Variants in LRRC20 observed in about 807,000 individuals in gnomAD.
LRRC20 encodes the protein leucine-rich repeat-containing protein 20.
LRRC20 carries 11 observed loss-of-function variants against 14.4 expected under a neutral mutation model. The ratio of observed to expected loss-of-function variants is 0.77; its 90% CI spans 0.48 to 1.27. The LOEUF (loss-of-function observed/expected upper bound fraction) is 1.27, where lower values mean the gene tolerates loss of function less well. Among genes scored for constraint, LRRC20 ranks in the 50% most tolerant of loss-of-function variants. The pLI is 0.00. For synonymous variants in LRRC20, 121 were observed against 107.3 expected, an observed-to-expected ratio of 1.13 and a Z score of -0.79; for missense variants, 219 against 251.2, an observed-to-expected ratio of 0.87 and a Z score of 0.87.
intron 4 of LRRC20, among the ~76,000 whole-genome samples, chr10:70,302,544 C>T (rs531877909): frequency 2.8e-4 from 42 of 152,074 alleles, no homozygotes; most frequent in African/African-American, 9.6e-4. Flanking sequence ...GTGATGGTTG[C>T]GCAACATGGT....
chr10:70,354,807 C>T (rs1040969962), intron 2 of LRRC20, among the ~76,000 whole-genome samples: 1 of 152,190 alleles, frequency 6.6e-6, no homozygotes, highest in African/African-American at 2.4e-5. Flanking sequence ...TCTCTTCTCT[C>T]GCTTTGTTCA....
chr10:70,353,528 C>CT (rs199518680), intron 2 of LRRC20, among the ~76,000 whole-genome samples: 5,554 of 152,218 alleles, frequency 0.036, 156 homozygotes, highest in East Asian at 0.1. Flanking sequence ...AGTGAGTCTC[C>CT]TGCCTCAGCC....
intron 2 of LRRC20, among the ~76,000 whole-genome samples, chr10:70,358,564 C>T (rs1438180472): frequency 2.6e-5 from 4 of 152,236 alleles, no homozygotes; most frequent in Admixed American, 1.3e-4. Context: ...CAAATGTCGC[C>T]AACCAGTGCC....
chr10:70,333,725 TCACTG>T (rs1335770630), intron 3 of LRRC20, among the ~76,000 whole-genome samples: 1 of 152,236 alleles, frequency 6.6e-6, no homozygotes, highest in East Asian at 1.9e-4. Context: ...CACAACCTTG[TCACTG>T]CCTTGGTACC....
intron 4 of LRRC20, among the ~76,000 whole-genome samples, chr10:70,321,206 G>A (rs369006487): frequency 1.3e-5 from 2 of 152,174 alleles, no homozygotes; most frequent in Non-Finnish European, 2.9e-5. Flanking sequence ...CCACTCTGAA[G>A]GCATCCTAAG....
At chr10:70,336,715 A>T (rs1444082536) in intron 3 of LRRC20, among the ~76,000 whole-genome samples, 1 of 152,078 alleles carries the variant, frequency 6.6e-6, no homozygotes, top group East Asian at 1.9e-4. Flanking sequence ...CCAACACACA[A>T]GTGATGGTGG....
At chr10:70,314,309 C>T (rs1027866772) in intron 4 of LRRC20, among the ~76,000 whole-genome samples, 5 of 152,170 alleles carry the variant, frequency 3.3e-5, no homozygotes, top group Admixed American at 2.6e-4. Flanking sequence ...ACAGCTTCAA[C>T]CCCCTATGAC....
chr10:70,332,489 C>T (rs760823153), intron 3 of LRRC20, among the ~76,000 whole-genome samples: 32 of 152,090 alleles, frequency 2.1e-4, no homozygotes, highest in Non-Finnish European at 2.5e-4. Flanking sequence ...ACAAACAATA[C>T]AAAAAATTAG....
chr10:70,324,064 G>A (rs377339937), intron 3 of LRRC20, 34 bp from the exon 4 acceptor site: 12 of 1,606,554 alleles, frequency 7.5e-6, no homozygotes, highest in Non-Finnish European at 1.0e-5. Context: ...AGAACAGGAT[G>A]AGGAGGGGGC....
intron 2 of LRRC20, among the ~76,000 whole-genome samples, chr10:70,358,645 C>T (rs1344760251): frequency 6.6e-6 from 1 of 152,232 alleles, no homozygotes; most frequent in Non-Finnish European, 1.5e-5. Flanking sequence ...TGCCACTCCT[C>T]AAGCTCACCG....
chr10:70,300,563 T>A lies in LRRC20; in HGVS notation c.*791A>T. ...GACAAGAGCTGCAGGTGTAACTGAC[T>A]CTGCTGTTCTCTGGGCCACCTCTCC... On this transcript the variant is annotated 3_prime_UTR_variant, in exon 5 of 5. Transcript: ENST00000446961. The A allele has an allele frequency of 2.0e-6, 2 of 985,524 alleles. No individual in the cohort carries two copies. The highest frequency in any genetic ancestry group is 2.4e-6 in the Non-Finnish European group (2 of 829,998). The allele number at this position is 985,524 out of a possible 1,614,324, so 61.0% of individuals were successfully genotyped here.
chr10:70,323,080 A>T (rs1437087093), intron 4 of LRRC20, among the ~76,000 whole-genome samples: 5 of 152,142 alleles, frequency 3.3e-5, no homozygotes, highest in African/African-American at 1.2e-4. Flanking sequence ...TGGCATTAGA[A>T]CAGCATTTCC....
intron 4 of LRRC20, among the ~76,000 whole-genome samples, chr10:70,303,406 A>G (rs1589930391): frequency 6.6e-6 from 1 of 152,222 alleles, no homozygotes; most frequent in African/African-American, 2.4e-5. Flanking sequence ...TCACTGCTCC[A>G]TAAGAGCTAT....
intron 2 of LRRC20, among the ~76,000 whole-genome samples, chr10:70,360,170 T>C (rs549259768): frequency 3.9e-5 from 6 of 152,334 alleles, no homozygotes; most frequent in African/African-American, 1.4e-4. Context: ...CGCCTCAGCC[T>C]CCCAAAGTGC....
At chr10:70,365,836 C>T (rs969917121) in intron 2 of LRRC20, among the ~76,000 whole-genome samples, 9 of 151,718 alleles carry the variant, frequency 5.9e-5, no homozygotes, top group Non-Finnish European at 1.2e-4. Flanking sequence ...TTTGGGAGGC[C>T]GAGGCGGGCG....
chr10:70,364,962 G>C (rs1445149398), intron 2 of LRRC20, among the ~76,000 whole-genome samples: 1 of 151,572 alleles, frequency 6.6e-6, no homozygotes, highest in Admixed American at 6.6e-5. Flanking sequence ...ATTGCAAACA[G>C]TAAGCCAGTG....
chr10:70,338,326 ACCT>A (rs142189988), intron 3 of LRRC20, among the ~76,000 whole-genome samples: 12,419 of 151,874 alleles, frequency 0.082, 803 homozygotes, highest in East Asian at 0.31. Context: ...CAATGCCCAC[ACCT>A]CCTCTAGGAA....
chr10:70,349,292 G>A (rs748686892), intron 2 of LRRC20, among the ~76,000 whole-genome samples: 14 of 152,184 alleles, frequency 9.2e-5, no homozygotes, highest in Admixed American at 3.3e-4. Flanking sequence ...GTTAATAAGC[G>A]CAGGGCTGGG....
chr10:70,302,742 G>A (rs1162560607), intron 4 of LRRC20, among the ~76,000 whole-genome samples: 1 of 147,402 alleles, frequency 6.8e-6, no homozygotes, highest in Non-Finnish European at 1.5e-5. Context: ...ACGGAGTTTC[G>A]CTCTGTCGCC....
Sources: allele counts gnomAD v4.1 joint callset (sites outside exome capture counted in the v4.1 genomes callset), GRCh38; gene constraint gnomAD v4.1.1; transcripts MANE v1.5; gene names NCBI Gene and HGNC (gene_info 2026-07-23, HGNC 2026-07-21).